The following ARMH3 variants were observed in gnomAD, a reference collection of about 807,000 sequenced individuals.
ARMH3 encodes the protein armadillo like helical domain containing 3.
ARMH3 carries 60 observed loss-of-function variants against 99.1 expected under a neutral mutation model. The observed-to-expected ratio is 0.61, with a 90% confidence interval of 0.49 to 0.75. ARMH3 has a LOEUF of 0.75. Ranked by LOEUF, ARMH3 falls within the 30% of genes least tolerant of loss-of-function variation. The probability of loss-of-function intolerance (pLI) is 0.00; values close to 1 mark genes in which losing one functional copy is unlikely to be tolerated. For missense variants in ARMH3, 679 were observed against 843.1 expected (o/e 0.81, Z 2.41); for synonymous variants, 285 against 292.8 (o/e 0.97, Z 0.27).
chr10:102,036,113 G>T (rs1590217793), intron 2 of ARMH3, among the ~76,000 whole-genome samples: 1 of 147,412 alleles, frequency 6.8e-6, no homozygotes, highest in African/African-American at 2.5e-5. Flanking sequence ...CTGGGAGGGA[G>T]GTGGGGGGCA....
At chr10:102,032,832 C>G in intron 4 of ARMH3, 194 bp downstream of exon 4, 1 of 557,696 alleles carries the variant, frequency 1.8e-6, no homozygotes, top group Non-Finnish European at 3.1e-6. Flanking sequence ...CAAATGGATA[C>G]GATTACTCCT....
chr10:102,045,167 ATAGTT>A (rs1044459502), intron 1 of ARMH3, among the ~76,000 whole-genome samples: 9 of 152,026 alleles, frequency 5.9e-5, no homozygotes, highest in African/African-American at 1.9e-4. Context: ...ACAAAAGTAA[ATAGTT>A]TAGGGGGAAA....
chr10:102,039,613 G>C (rs942595510), intron 2 of ARMH3, among the ~76,000 whole-genome samples: 2 of 152,144 alleles, frequency 1.3e-5, no homozygotes, highest in African/African-American at 2.4e-5. Context: ...ATATAATAAT[G>C]TATCCTTTAA....
chr10:101,878,453 A>C (rs997691621), intron 24 of ARMH3, among the ~76,000 whole-genome samples: 1 of 151,756 alleles, frequency 6.6e-6, no homozygotes, highest in Non-Finnish European at 1.5e-5. Context: ...TAGCCTGGGC[A>C]ACATAGTAAG....
chr10:101,860,832 G>A (rs2066849029), intron 24 of ARMH3, among the ~76,000 whole-genome samples: 2 of 152,108 alleles, frequency 1.3e-5, no homozygotes, highest in African/African-American at 4.8e-5. Flanking sequence ...CTAGAGTAAA[G>A]GCTACTTTAA....
chr10:101,939,795 C>G, intron 23 of ARMH3, 68 bp downstream of exon 23: 1 of 1,376,170 alleles, frequency 7.3e-7, no homozygotes, highest in Non-Finnish European at 1.0e-6. Flanking sequence ...ACACACTTTA[C>G]TTAGAAAGGT....
At chr10:101,955,375 T>C (rs1398185975) in intron 22 of ARMH3, among the ~76,000 whole-genome samples, 1 of 152,182 alleles carries the variant, frequency 6.6e-6, no homozygotes, top group Non-Finnish European at 1.5e-5. Flanking sequence ...TTTAAGATGG[T>C]TTTAAGTCCG....
chr10:102,035,665 C>T (rs1345134775), intron 2 of ARMH3, among the ~76,000 whole-genome samples: 2 of 152,258 alleles, frequency 1.3e-5, no homozygotes, highest in Non-Finnish European at 2.9e-5. Context: ...CTCGGCCTCC[C>T]GAGGTGCCGG....
At chr10:101,993,290 A>G (rs1846891846) in intron 17 of ARMH3, among the ~76,000 whole-genome samples, 2 of 151,866 alleles carry the variant, frequency 1.3e-5, no homozygotes, top group African/African-American at 4.8e-5. Context: ...AAAAAAGAAA[A>G]AAAAAAAAAA....
At chr10:101,993,676 C>T in intron 16 of ARMH3, 73 bp from the exon 17 acceptor site, 3 of 1,050,702 alleles carry the variant, frequency 2.9e-6, no homozygotes, top group Non-Finnish European at 4.2e-6. Context: ...ACACTTCGTA[C>T]AAATCCTTGG....
chr10:102,046,667 A>G lies in ARMH3; in HGVS notation c.-11-6542T>C, dbSNP rs190150748. 2.0e-3 allele frequency among the ~76,000 whole-genome samples: 305 copies of G among 152,328 alleles called. 2 individuals carry two copies. The highest frequency in any genetic ancestry group is 6.8e-3 in the African/African-American group (283 of 41,576). ...CTCCATTTCAAAAAAAGAAAAATTG[A>G]AAAGAAAATAAACTTGTACAGATAA... is the stretch of plus-strand genomic sequence containing the variant. On this transcript the variant is annotated intron_variant, in intron 1 of 25. Transcript: ENST00000370033.
At chr10:101,861,236 A>G (rs1002151576) in intron 24 of ARMH3, among the ~76,000 whole-genome samples, 15 of 152,222 alleles carry the variant, frequency 9.9e-5, no homozygotes, top group African/African-American at 3.1e-4. Context: ...AGGAACAAAG[A>G]TAAGAGTTCA....
Position 101,993,515 on chromosome 10 carries a change from C to A in ARMH3, c.1275+23G>T, listed in dbSNP as rs780130801. The A allele has an allele frequency of 1.1e-5, 17 of 1,560,434 alleles. No homozygotes were observed. The Admixed American group carries it at 2.4e-4, about 22-fold the overall frequency. On this transcript the variant is annotated intron_variant, in intron 17 of 25. Transcript: ENST00000370033. ...ACAAAAAATTTCCTCTAAGAAAAAA[C>A]AAGAAGCAAAAGAAACACCTACCAT...
intron 19 of ARMH3, among the ~76,000 whole-genome samples, chr10:101,987,687 C>T (rs1304700827): frequency 1.3e-5 from 2 of 152,168 alleles, no homozygotes; most frequent in Non-Finnish European, 2.9e-5. Flanking sequence ...GCTCTCGCTC[C>T]CCTTTTCTCT....
At chr10:101,930,825 T>C (rs1843693053) in intron 23 of ARMH3, among the ~76,000 whole-genome samples, 1 of 152,292 alleles carries the variant, frequency 6.6e-6, no homozygotes, top group Non-Finnish European at 1.5e-5. Context: ...GGACAACAAA[T>C]TTTTAAAAAT....
At chr10:101,910,202 TGAA>T (rs1842807319) in intron 23 of ARMH3, among the ~76,000 whole-genome samples, 1 of 152,166 alleles carries the variant, frequency 6.6e-6, no homozygotes, top group South Asian at 2.1e-4. Context: ...TGCTGACACT[TGAA>T]GAAAGAATTA....
chr10:102,002,046 C>A lies in ARMH3; in HGVS notation c.1075G>T (p.Asp359Tyr). Reference protein sequence around the residue: ...DVISSVELPLDADVQTSNLLI... With the variant: ...DVISSVELPLYADVQTSNLLI... ...AGATTACTGGTCTGTACATCTGCAT[C>A]CAGTGGGAGTTCCACAGAACTTATA... Residue 359 changes from aspartate (D) to tyrosine (Y), a missense_variant, in exon 15 of 26, where the codon GAT (aspartate) becomes TAT (tyrosine). This residue lies in a region of ARMH3 where 389 missense variants were observed against 456.5 expected (regional missense o/e 0.85). Transcript: ENST00000370033. 1 of 1,614,128 alleles carries A rather than the reference C, an allele frequency of 6.2e-7. No individual in the cohort carries two copies. Among genetic ancestry groups the A allele is most frequent in the Non-Finnish European group, 8.5e-7 (1 of 1,180,010 alleles).
intron 6 of ARMH3, among the ~76,000 whole-genome samples, chr10:102,024,322 GC>G (rs2066951826): frequency 6.6e-6 from 1 of 151,790 alleles, no homozygotes; most frequent in Admixed American, 6.6e-5. Context: ...GGTTGTACAT[GC>G]CTGTAATCCC....
chr10:101,982,133 C>T (rs926206882), intron 19 of ARMH3, among the ~76,000 whole-genome samples: 38 of 151,040 alleles, frequency 2.5e-4, no homozygotes, highest in African/African-American at 8.3e-4. Flanking sequence ...GTAATCCCAG[C>T]ACTTTGGGAA....
Sources: allele counts gnomAD v4.1 joint callset (sites outside exome capture counted in the v4.1 genomes callset), GRCh38; gene constraint gnomAD v4.1.1; regional missense constraint gnomAD v4.1.1; transcripts MANE v1.5; gene names NCBI Gene and HGNC (gene_info 2026-07-23, HGNC 2026-07-21).